The following DNAH11 variants were observed in gnomAD, a reference collection of about 807,000 sequenced individuals.
The protein encoded by DNAH11 is axonemal beta dynein heavy chain 11.
A neutral mutation model predicts 526.0 loss-of-function variants in DNAH11; 442 were observed. The ratio of observed to expected loss-of-function variants is 0.84; its 90% CI spans 0.78 to 0.91. The LOEUF (loss-of-function observed/expected upper bound fraction) is 0.91. Ranked by LOEUF, DNAH11 falls within the 40% of genes least tolerant of loss-of-function variation. The pLI is 0.00. For missense variants in DNAH11, 6,989 were observed against 5,448.7 expected, an observed-to-expected ratio of 1.28 and a Z score of -8.90; for synonymous variants, 2,461 against 1,935.9, an observed-to-expected ratio of 1.27 and a Z score of -7.12.
In DNAH11 at chr7:21,571,896, G is replaced by C. The variant is rs760400011; in HGVS notation, c.1516G>C (p.Glu506Gln). ...KGAILNGQVH[E>Q]MSEELMELCK... ...AGCAATTTTAAATGGACAAGTCCAC[G>C]AGATGAGTGAAGAACTTATGGAACT... The change falls in exon 8 of 82, where the codon GAG (glutamate) becomes CAG (glutamine). Residue 506 changes from glutamate to glutamine, a missense_variant. Transcript: ENST00000409508. The C allele has an allele frequency of 2.5e-5, 40 of 1,612,822 alleles. No homozygotes were observed. The South Asian group carries it at 4.1e-4, about 16-fold the overall frequency.
At chr7:21,621,804 T>C (rs1261667954) in intron 25 of DNAH11, among the ~76,000 whole-genome samples, 1 of 152,178 alleles carries the variant, frequency 6.6e-6, no homozygotes, top group Non-Finnish European at 1.5e-5. Flanking sequence ...AATTAGGTAT[T>C]GATGGGACGT....
Position 21,777,398 on chromosome 7 carries a change from GT to G in DNAH11, c.9337-1549del, listed in dbSNP as rs1156260738. 4.4e-3 allele frequency among the ~76,000 whole-genome samples: 652 copies of G among 146,632 alleles called. 3 individuals are homozygous for G. Among genetic ancestry groups the G allele is most frequent in the African/African-American group, 0.01 (415 of 40,340 alleles). ...AGCTGTTATGAATACCCGTGTACAG[GT>G]TTTTTTTTTTGTAGGCATAAATCCA... On this transcript the variant is annotated intron_variant, in intron 56 of 81. Coordinates refer to ENST00000409508, the MANE Select transcript of DNAH11 (RefSeq NM_001277115.2).
intron 56 of DNAH11, among the ~76,000 whole-genome samples, 154 bp from the exon 57 acceptor site, chr7:21,778,804 A>G (rs1051156785): frequency 6.6e-5 from 10 of 152,212 alleles, no homozygotes; most frequent in African/African-American, 2.4e-4. Flanking sequence ...ATGTGGCTGC[A>G]TTTTTGCAAA....
chr7:21,608,776 T>C (rs9639381), intron 20 of DNAH11, among the ~76,000 whole-genome samples: 17,383 of 152,312 alleles, frequency 0.11, 1,251 homozygotes, highest in East Asian at 0.2. Flanking sequence ...CAGTTACTTA[T>C]TGAATTGTAT....
chr7:21,865,305 A>T (rs1405318848), intron 70 of DNAH11, among the ~76,000 whole-genome samples: 2 of 152,148 alleles, frequency 1.3e-5, no homozygotes, highest in African/African-American at 4.8e-5. Context: ...GTTACCTCTT[A>T]TTTTTATATA....
Position 21,543,425 on chromosome 7 carries a change from C to A in DNAH11, c.180C>A (p.Arg60=). The change falls in exon 1 of 82, where the codon CGC becomes CGA. Residue 60 remains arginine, a synonymous_variant. Coordinates refer to ENST00000409508, the MANE Select transcript of DNAH11 (RefSeq NM_001277115.2). The stretch of plus-strand genomic sequence containing the variant: ...GTTTCGCCCAAGACGCGCGGGTGCG[C>A]TTCCTCGGCGGCCGCCTGGCGATGA... ...ARSFAQDARV[R]FLGGRLAMML... 4.5e-6 allele frequency: 7 copies of A among 1,556,386 alleles called. No homozygotes were observed. The highest frequency in any genetic ancestry group is 6.1e-6 in the Non-Finnish European group (7 of 1,149,310).
chr7:21,865,065 G>A (rs17145742), intron 70 of DNAH11, among the ~76,000 whole-genome samples: 5,957 of 152,084 alleles, frequency 0.039, 169 homozygotes, highest in East Asian at 0.11. Context: ...CAGTGGAGTC[G>A]TTTATTCTCA....
At chr7:21,881,534 C>T (rs1465441366) in intron 75 of DNAH11, among the ~76,000 whole-genome samples, 1 of 152,126 alleles carries the variant, frequency 6.6e-6, no homozygotes, top group Non-Finnish European at 1.5e-5. Flanking sequence ...GATTGGATTT[C>T]AAAAAGCAAG....
At chr7:21,747,185 A>G (rs919569639) in intron 51 of DNAH11, among the ~76,000 whole-genome samples, 3 of 152,184 alleles carry the variant, frequency 2.0e-5, no homozygotes, top group Non-Finnish European at 4.4e-5. Flanking sequence ...GGTATCTCTC[A>G]TGTCAGAGTA....
chr7:21,543,439 G>A lies in DNAH11; in HGVS notation c.194G>A (p.Arg65His). ...QDARVRFLGG[R>H]LAMMLGFTEE... ...GCGCGGGTGCGCTTCCTCGGCGGCC[G>A]CCTGGCGATGATGCTGGGGTTCACG... Residue 65 changes from arginine (R) to histidine (H), a missense_variant, in exon 1 of 82, where the codon CGC (arginine) becomes CAC (histidine). Arg to His is a conservative substitution (Grantham distance 29). Coordinates refer to ENST00000409508, the MANE Select transcript of DNAH11 (RefSeq NM_001277115.2). The A allele has an allele frequency of 6.4e-7, 1 of 1,561,140 alleles. No individual in the cohort carries two copies.
intron 56 of DNAH11, among the ~76,000 whole-genome samples, chr7:21,778,614 T>C (rs115136652): frequency 0.017 from 2,663 of 152,268 alleles, 63 homozygotes; most frequent in African/African-American, 0.055. Context: ...CCACAACCTC[T>C]GCTTCCTTGA....
chr7:21,811,780 C>T (rs962764762), intron 63 of DNAH11, among the ~76,000 whole-genome samples: 1 of 151,804 alleles, frequency 6.6e-6, no homozygotes. Context: ...GTCCTGGTGT[C>T]TTAATAGTAT....
At chr7:21,811,296 C>A (rs34406346) in intron 63 of DNAH11, among the ~76,000 whole-genome samples, 9 of 151,272 alleles carry the variant, frequency 5.9e-5, no homozygotes, top group South Asian at 2.1e-4. Flanking sequence ...AACCCCCCCC[C>A]CTACTAAAAA....
intron 55 of DNAH11, among the ~76,000 whole-genome samples, chr7:21,769,942 T>G (rs1787352850): frequency 4.6e-5 from 7 of 152,132 alleles, no homozygotes; most frequent in Admixed American, 4.6e-4. Context: ...GACCAGTAGT[T>G]GAGCTCCAGA....
At chr7:21,899,255 C>G in intron 79 of DNAH11, 81 bp from the exon 80 acceptor site, 2 of 1,147,680 alleles carry the variant, frequency 1.7e-6, no homozygotes, top group East Asian at 2.3e-5. Flanking sequence ...CCACCCTGCC[C>G]TAACCGCCCA....
chr7:21,829,535 G>C (rs554973878), intron 65 of DNAH11, among the ~76,000 whole-genome samples: 16 of 152,278 alleles, frequency 1.1e-4, no homozygotes, highest in African/African-American at 3.4e-4. Context: ...AGTAAGTCTT[G>C]ATTCCAAATT....
Position 21,639,341 on chromosome 7 carries a change from T to TC in DNAH11, c.4944+281dup, listed in dbSNP as rs146623197. Among the ~76,000 whole-genome samples the TC allele has an allele frequency of 0.041, 6,285 of 152,128 alleles. 194 individuals are homozygous for TC. Among genetic ancestry groups the TC allele is most frequent in the Non-Finnish European group, 0.064 (4,339 of 67,962 alleles). On this transcript the variant is annotated intron_variant, in intron 28 of 81. Coordinates refer to ENST00000409508, the MANE Select transcript of DNAH11 (RefSeq NM_001277115.2). ...GATGGAAAGAAACACTGTCGCCAAA[T>TC]CCCCCAGAATTCTGGGACAAGAACT... is the stretch of plus-strand genomic sequence containing the variant.
chr7:21,850,340 A>AG (rs545833138), intron 66 of DNAH11, among the ~76,000 whole-genome samples: 6 of 139,072 alleles, frequency 4.3e-5, no homozygotes, highest in Admixed American at 3.7e-4. Context: ...TGGGCGACAG[A>AG]GGAGACTCTG....
chr7:21,662,021 G>A (rs1447070621), intron 30 of DNAH11, among the ~76,000 whole-genome samples: 5 of 152,042 alleles, frequency 3.3e-5, no homozygotes, highest in African/African-American at 1.2e-4. Flanking sequence ...GTTTCACCAT[G>A]TTGGCCAGGC....
Sources: allele counts gnomAD v4.1 joint callset (sites outside exome capture counted in the v4.1 genomes callset), GRCh38; gene constraint gnomAD v4.1.1; transcripts MANE v1.5; gene names NCBI Gene and HGNC (gene_info 2026-07-23, HGNC 2026-07-21).